The following URB1 variants were observed in gnomAD, a reference collection of about 807,000 sequenced individuals.
URB1 encodes nucleolar pre-ribosomal-associated protein 1.
URB1 carries 197 observed loss-of-function variants against 242.3 expected under a neutral mutation model. That is an observed-to-expected ratio of 0.81 (90% CI 0.72 to 0.91). The LOEUF is 0.91. Ranked by LOEUF, URB1 falls within the 40% of genes least tolerant of loss-of-function variation. The pLI is 0.00. For synonymous variants in URB1, 1,153 were observed against 1,201.8 expected (o/e 0.96, Z 0.84); for missense variants, 2,721 against 2,860.5 (o/e 0.95, Z 1.11).
At chr21:32,359,935 A>G in intron 13 of URB1, 27 bp from the exon 14 acceptor site, 2 of 1,545,044 alleles carry the variant, frequency 1.3e-6, no homozygotes, top group Non-Finnish European at 1.7e-6. Flanking sequence ...GGCAGGCTGA[A>G]AAAAGTCACA....
At chr21:32,325,094 T>C in intron 31 of URB1, 135 bp downstream of exon 31, 1 of 1,185,460 alleles carries the variant, frequency 8.4e-7, no homozygotes, top group Non-Finnish European at 1.1e-6. Flanking sequence ...ACTTTTGCTC[T>C]TCAGCAGAGA....
Position 32,384,482 on chromosome 21 carries a change from A to C in URB1, c.283-18T>G. On this transcript the variant is annotated intron_variant, in intron 2 of 38. Transcript: ENST00000382751. ...AACATCGTCTGCAAAGACAGAATTG[A>C]AACGCTTAGAAATCGTCTCATTTCC... The C allele has an allele frequency of 6.5e-7, 1 of 1,546,292 alleles. No individual in the cohort carries two copies. Among genetic ancestry groups the C allele is most frequent in the South Asian group, 1.2e-5 (1 of 83,934 alleles).
chr21:32,316,604 C>T lies in URB1; in HGVS notation c.6496G>A (p.Val2166Met). The change falls in exon 38 of 39, where the codon GTG becomes ATG. Residue 2166 changes from valine (V) to methionine (M), a missense_variant. Val to Met is a conservative substitution (Grantham distance 21, BLOSUM62 1). Transcript: ENST00000382751. ...TTGAACAGGCAGGCCACCTCCTGCA[C>T]AGGCCCTGCCAGCCCCTCAGCCCCA... ...LCGAEGLAGP[V>M]QEVACLFNTV... 6.4e-7 allele frequency: 1 copy of T among 1,551,532 alleles called. No homozygotes were observed. The highest frequency in any genetic ancestry group is 2.0e-5 in the Admixed American group (1 of 51,012).
In URB1 at chr21:32,347,371, A is replaced by G. The variant is rs2033102838; in HGVS notation, c.3453T>C (p.Asn1151=). 6.4e-7 allele frequency: 1 copy of G among 1,551,320 alleles called. No homozygotes were observed. Among genetic ancestry groups the G allele is most frequent in the Non-Finnish European group, 8.7e-7 (1 of 1,146,978 alleles). ...TKSPGKERHL[N]ALGKTLVQLL... ...GCTGCACCAGGGTCTTTCCAAGAGCATTCAGGTGTCTTTCCTTCCCGGGGG... is the reference window on the plus strand; with the variant it reads ...GCTGCACCAGGGTCTTTCCAAGAGCGTTCAGGTGTCTTTCCTTCCCGGGGG... The change falls in exon 22 of 39, where the codon AAT becomes AAC. Residue 1151 remains asparagine, a synonymous_variant. Coordinates refer to ENST00000382751, the MANE Select transcript of URB1 (RefSeq NM_014825.3).
At position 32,341,540 on chromosome 21, in the gene URB1, G is replaced by T; in HGVS notation, c.4258-16C>A. On this transcript the variant is annotated splice_polypyrimidine_tract_variant and intron_variant, in intron 24 of 38. Transcript: ENST00000382751. ...TAAGTGCATGCTATGAATAAAATAA[G>T]TAAGAAAAACACATGAAACATCTCA... 6.5e-7 allele frequency: 1 copy of T among 1,550,320 alleles called. No homozygotes were observed. The highest frequency in any genetic ancestry group is 1.2e-5 in the South Asian group (1 of 83,940).
intron 4 of URB1, among the ~76,000 whole-genome samples, chr21:32,378,857 C>A (rs1189918397): frequency 6.6e-6 from 1 of 152,160 alleles, no homozygotes; most frequent in Non-Finnish European, 1.5e-5. Flanking sequence ...CGTTTCTTGG[C>A]CACTTTGGTG....
chr21:32,392,949 G>C lies in URB1; in HGVS notation c.-39C>G. ...GAAGCGCGACGGAAACGACACACCTGAGGGGACCCGGCAGGAGCACTGGCA... is the reference window on the plus strand; with the variant it reads ...GAAGCGCGACGGAAACGACACACCTCAGGGGACCCGGCAGGAGCACTGGCA... On this transcript the variant is annotated 5_prime_UTR_variant, in exon 1 of 39. Transcript: ENST00000382751. 1 of 1,464,166 alleles carries C rather than the reference G, an allele frequency of 6.8e-7. No individual in the cohort carries two copies. The highest frequency in any genetic ancestry group is 1.3e-5 in the South Asian group (1 of 75,462). 90.7% of individuals were successfully genotyped at this position (1,464,166 alleles called of 1,614,324 possible).
Position 32,346,945 on chromosome 21 carries a change from CTTTCCCTTACCTCCTGCTGGGCG to C in URB1, c.3856_3868+10del. 6.7e-7 allele frequency: 1 copy of C among 1,489,838 alleles called. No homozygotes were observed. The highest frequency in any genetic ancestry group is 1.3e-5 in the South Asian group (1 of 75,014). The allele number at this position is 1,489,838 out of a possible 1,614,324, so 92.3% of individuals were successfully genotyped here. On this transcript the variant is annotated splice_donor_variant and splice_donor_5th_base_variant and coding_sequence_variant and intron_variant, in exon 22 of 39. Transcript: ENST00000382751. LOFTEE classifies it high-confidence loss of function. ...AAGACCCCAGCTGCCCAAAGCTAGC[CTTTCCCTTACCTCCTGCTGGGCG>C]TGTGAAGTGGCTCCGTGTCCTGCAC...
intron 21 of URB1, 148 bp downstream of exon 21, chr21:32,349,156 G>T: frequency 9.2e-7 from 1 of 1,082,956 alleles, no homozygotes; most frequent in East Asian, 3.0e-5. Flanking sequence ...TGCTGGGCGG[G>T]TGCCAGGAAG....
At chr21:32,391,709 T>C (rs1166093745) in intron 1 of URB1, among the ~76,000 whole-genome samples, 1 of 152,134 alleles carries the variant, frequency 6.6e-6, no homozygotes, top group East Asian at 1.9e-4. Flanking sequence ...AGTACAGGTA[T>C]AGGTATCAAA....
intron 15 of URB1, 123 bp from the exon 16 acceptor site, chr21:32,355,688 A>G: frequency 1.3e-6 from 1 of 763,030 alleles, no homozygotes; most frequent in Non-Finnish European, 2.2e-6. Context: ...GGCTCACTGC[A>G]ACCTCCGCCT....
chr21:32,324,171 G>C (rs1279226579), intron 32 of URB1, among the ~76,000 whole-genome samples: 2 of 152,020 alleles, frequency 1.3e-5, no homozygotes, highest in Non-Finnish European at 2.9e-5. Context: ...TCTCACCACA[G>C]TTTCCTATAA....
chr21:32,384,531 C>T (rs2033560608), intron 2 of URB1, 67 bp from the exon 3 acceptor site: 1 of 1,506,352 alleles, frequency 6.6e-7, no homozygotes, highest in Non-Finnish European at 8.9e-7. Context: ...ATATATGCTC[C>T]TTTTGTCTTA....
rs1669060490 is a variant in URB1, at chr21:32,322,073, T to A, written c.5341-129A>T. On this transcript the variant is annotated intron_variant, in intron 33 of 38. Transcript: ENST00000382751. ...CAGCAGCCCTGACCTCCATGTCTGA[T>A]TATGAAAAATCCCTGATCTCATCTT... The A allele has an allele frequency of 6.6e-6, 7 of 1,067,640 alleles. No individual in the cohort carries two copies. The Admixed American group carries it at 1.8e-4, about 28-fold the overall frequency. The allele number at this position is 1,067,640 out of a possible 1,614,324, so 66.1% of individuals were successfully genotyped here.
intron 19 of URB1, among the ~76,000 whole-genome samples, chr21:32,351,972 T>C (rs2033163488): frequency 6.6e-6 from 1 of 152,146 alleles, no homozygotes; most frequent in South Asian, 2.1e-4. Context: ...TTCTCAGAGT[T>C]ACAGTAAGGA....
intron 1 of URB1, among the ~76,000 whole-genome samples, chr21:32,388,393 A>G (rs1332633112): frequency 1.3e-5 from 2 of 152,254 alleles, no homozygotes; most frequent in Non-Finnish European, 2.9e-5. Flanking sequence ...AGCAGCAGTG[A>G]AAATCCAGTC....
At chr21:32,329,389 G>C (rs1273873616) in intron 30 of URB1, among the ~76,000 whole-genome samples, 2 of 152,158 alleles carry the variant, frequency 1.3e-5, no homozygotes, top group Non-Finnish European at 2.9e-5. Context: ...CAATAGGCTA[G>C]ACTCATCACA....
intron 1 of URB1, among the ~76,000 whole-genome samples, chr21:32,387,592 ACCTTATTC>A (rs2033597107): frequency 1.1e-5 from 1 of 87,290 alleles, no homozygotes. Context: ...TGAAGACTTC[ACCTTATTC>A]AAAAAAAAAA....
intron 11 of URB1, among the ~76,000 whole-genome samples, chr21:32,362,554 T>G (rs932170567): frequency 3.0e-4 from 45 of 152,154 alleles, no homozygotes; most frequent in Admixed American, 1.3e-4. Context: ...AAGGATTTGG[T>G]GAACAGGCAA....
Sources: allele counts gnomAD v4.1 joint callset (sites outside exome capture counted in the v4.1 genomes callset), GRCh38; gene constraint gnomAD v4.1.1; transcripts MANE v1.5; gene names NCBI Gene and HGNC (gene_info 2026-07-23, HGNC 2026-07-21).